Variants in RALGAPA2 observed in about 807,000 individuals in gnomAD.
The protein encoded by RALGAPA2 is Ral GTPase activating protein catalytic subunit alpha 2.
In RALGAPA2, 139 loss-of-function variants were observed where a neutral mutation model predicts 230.4. The ratio of observed to expected loss-of-function variants is 0.60; its 90% CI spans 0.53 to 0.69. RALGAPA2 has a LOEUF of 0.69. Ranked by LOEUF, RALGAPA2 falls within the 30% of genes least tolerant of loss-of-function variation. RALGAPA2 has a pLI of 0.00. For missense variants in RALGAPA2, 2,163 were observed against 2,276.0 expected (o/e 0.95, Z 1.01); for synonymous variants, 847 against 837.8 (o/e 1.01, Z -0.19).
At chr20:20,577,799 A>C (rs577204269) in intron 20 of RALGAPA2, among the ~76,000 whole-genome samples, 5 of 152,240 alleles carry the variant, frequency 3.3e-5, no homozygotes, top group Admixed American at 1.3e-4. Context: ...AGGAGAAAAA[A>C]AAAGTAAGGG....
intron 13 of RALGAPA2, among the ~76,000 whole-genome samples, chr20:20,613,745 C>T (rs904086518): frequency 6.6e-6 from 1 of 152,174 alleles, no homozygotes; most frequent in African/African-American, 2.4e-5. Context: ...GCTCTTTCTA[C>T]CAGGAATGCC....
At position 20,633,264 on chromosome 20, in the gene RALGAPA2, A is replaced by G. The variant is rs575113345; in HGVS notation, c.1005+2154T>C. 3.9e-5 allele frequency among the ~76,000 whole-genome samples: 6 copies of G among 151,936 alleles called. No homozygotes were observed. In the South Asian group the frequency reaches 1.0e-3, roughly 26 times the overall value. On this transcript the variant is annotated intron_variant, in intron 9 of 39. Transcript: ENST00000202677. ...ATTCTCCTGCCTCAGCTTCCCGAGT[A>G]GCTGGGATTACAGACGCCTACCACC...
intron 20 of RALGAPA2, among the ~76,000 whole-genome samples, chr20:20,579,788 G>A (rs1403473313): frequency 6.6e-6 from 1 of 152,094 alleles, no homozygotes; most frequent in Admixed American, 6.6e-5. Flanking sequence ...ATATGGCTAA[G>A]TACTTGTCCC....
Position 20,510,159 on chromosome 20 carries a change from C to T in RALGAPA2, c.4928+1095G>A, listed in dbSNP as rs186134900. The stretch of plus-strand genomic sequence containing the variant: ...GTTCATTCAGCAGGCTCTAACTCAT[C>T]GCTGTAAGTGCAAGCAGGAGAAGCT... On this transcript the variant is annotated intron_variant, in intron 33 of 39. Transcript: ENST00000202677. Among the ~76,000 whole-genome samples the T allele has an allele frequency of 1.1e-4, 16 of 152,216 alleles. No homozygotes were observed. In the East Asian group the frequency reaches 2.5e-3, roughly 24 times the overall value.
At chr20:20,622,562 T>A (rs1027167710) in intron 10 of RALGAPA2, among the ~76,000 whole-genome samples, 2 of 152,200 alleles carry the variant, frequency 1.3e-5, no homozygotes, top group Non-Finnish European at 2.9e-5. Context: ...AAAAGATTCA[T>A]GTGCAGAGGG....
At chr20:20,558,180 A>G (rs1439777667) in intron 23 of RALGAPA2, among the ~76,000 whole-genome samples, 1 of 151,764 alleles carries the variant, frequency 6.6e-6, no homozygotes, top group Non-Finnish European at 1.5e-5. Context: ...AATTTTCTGT[A>G]TTTTCAGTAG....
chr20:20,667,934 G>A (rs2068012266), intron 3 of RALGAPA2, among the ~76,000 whole-genome samples: 2 of 152,136 alleles, frequency 1.3e-5, no homozygotes, highest in South Asian at 4.1e-4. Context: ...TCCAACCTGT[G>A]GAGGTAAATG....
At chr20:20,497,705 C>A (rs1026870725) in intron 35 of RALGAPA2, among the ~76,000 whole-genome samples, 3 of 152,204 alleles carry the variant, frequency 2.0e-5, no homozygotes, top group Admixed American at 2.0e-4. Context: ...AAGTAAGTAT[C>A]TCTTAATTTT....
chr20:20,637,859 G>GTT (rs751342687), intron 7 of RALGAPA2, among the ~76,000 whole-genome samples: 3 of 151,808 alleles, frequency 2.0e-5, no homozygotes, highest in Non-Finnish European at 4.4e-5. Context: ...ACAATCAGGT[G>GTT]TTTTTTTCTA....
At chr20:20,548,160 G>C (rs1041699918) in intron 23 of RALGAPA2, among the ~76,000 whole-genome samples, 4 of 151,416 alleles carry the variant, frequency 2.6e-5, no homozygotes, top group African/African-American at 9.7e-5. Context: ...CAAAATCCTA[G>C]TTTCTTTTCT....
At chr20:20,666,619 A>G (rs1324496270) in intron 3 of RALGAPA2, among the ~76,000 whole-genome samples, 1 of 152,236 alleles carries the variant, frequency 6.6e-6, no homozygotes, top group Non-Finnish European at 1.5e-5. Context: ...GGAATAAGAA[A>G]TAACAAAGCA....
At chr20:20,424,941 G>C (rs2060350744) in intron 37 of RALGAPA2, among the ~76,000 whole-genome samples, 1 of 152,010 alleles carries the variant, frequency 6.6e-6, no homozygotes, top group African/African-American at 2.4e-5. Flanking sequence ...GACTCTAAGA[G>C]AAAAAAATAT....
At chr20:20,536,820 T>C in intron 24 of RALGAPA2, 36 bp from the exon 25 acceptor site, 1 of 1,590,428 alleles carries the variant, frequency 6.3e-7, no homozygotes, top group Admixed American at 1.8e-5. Flanking sequence ...ACATTTCTCT[T>C]TTTGTAAGTT....
chr20:20,431,927 G>C (rs2060510970), intron 37 of RALGAPA2, among the ~76,000 whole-genome samples: 2 of 152,218 alleles, frequency 1.3e-5, no homozygotes, highest in Non-Finnish European at 1.5e-5. Flanking sequence ...CAAAGTTGAA[G>C]TAGGGGCTAT....
intron 4 of RALGAPA2, among the ~76,000 whole-genome samples, chr20:20,646,476 C>A (rs963500880): frequency 6.6e-6 from 1 of 152,080 alleles, no homozygotes; most frequent in Non-Finnish European, 1.5e-5. Context: ...TATAATTATA[C>A]CCACCCCACC....
At position 20,391,005 on chromosome 20, in the gene RALGAPA2, A is replaced by G. The variant is rs1336659784; in HGVS notation, c.*2284T>C. On this transcript the variant is annotated 3_prime_UTR_variant, in exon 40 of 40. Transcript: ENST00000202677. ...TCGTGAAAGCAAAATGAAATCATGG[A>G]GCAGAAGTCCAGGAGAGTTCAATAC... 1 of 152,256 alleles carries G rather than the reference A, an allele frequency of 6.6e-6. No homozygotes were observed. Among genetic ancestry groups the G allele is most frequent in the Non-Finnish European group, 1.5e-5 (1 of 68,052 alleles). The allele number at this position is 152,256 out of a possible 1,614,324, so 9.4% of individuals were successfully genotyped here.
At chr20:20,672,753 G>T (rs1418415545) in intron 3 of RALGAPA2, among the ~76,000 whole-genome samples, 2 of 152,150 alleles carry the variant, frequency 1.3e-5, no homozygotes, top group Non-Finnish European at 2.9e-5. Flanking sequence ...TATTTGAGAA[G>T]ACAATAGCTA....
At chr20:20,539,597 C>CT (rs2063587855) in intron 24 of RALGAPA2, among the ~76,000 whole-genome samples, 1 of 152,170 alleles carries the variant, frequency 6.6e-6, no homozygotes, top group East Asian at 1.9e-4. Flanking sequence ...TATATCACCT[C>CT]ATATAGTTCC....
At chr20:20,401,400 C>T (rs545210539) in intron 38 of RALGAPA2, among the ~76,000 whole-genome samples, 2 of 152,294 alleles carry the variant, frequency 1.3e-5, no homozygotes, top group East Asian at 1.9e-4. Context: ...ACCCCCCAAA[C>T]CTCACACCAC....
Sources: allele counts gnomAD v4.1 joint callset (sites outside exome capture counted in the v4.1 genomes callset), GRCh38; gene constraint gnomAD v4.1.1; transcripts MANE v1.5; gene names NCBI Gene and HGNC (gene_info 2026-07-23, HGNC 2026-07-21).